The following PALD1 variants were observed in gnomAD, a reference collection of about 807,000 sequenced individuals.
The protein encoded by PALD1 is paladin.
A neutral mutation model predicts 96.0 loss-of-function variants in PALD1; 57 were observed. That is an observed-to-expected ratio of 0.59 (90% confidence interval 0.48 to 0.74). The LOEUF (loss-of-function observed/expected upper bound fraction) is 0.74, where lower values mean the gene tolerates loss of function less well. Among genes scored for constraint, PALD1 ranks in the 30% least tolerant of loss-of-function variants. The pLI is 0.00. For synonymous variants in PALD1, 464 were observed against 473.6 expected (o/e 0.98, Z 0.26); for missense variants, 1,063 against 1,143.7 (o/e 0.93, Z 1.02).
chr10:70,527,144 C>T (rs1376364110), intron 2 of PALD1, among the ~76,000 whole-genome samples: 4 of 152,186 alleles, frequency 2.6e-5, no homozygotes, highest in African/African-American at 9.6e-5. Flanking sequence ...AAGACTCGTG[C>T]CCCAGGCCTG....
chr10:70,487,346 G>A (rs1457610463), intron 1 of PALD1, among the ~76,000 whole-genome samples: 2 of 151,844 alleles, frequency 1.3e-5, no homozygotes, highest in African/African-American at 2.4e-5. Context: ...TGTTAGCCAG[G>A]ATGGTCTCGA....
intron 18 of PALD1, among the ~76,000 whole-genome samples, chr10:70,556,529 G>A (rs1333550633): frequency 1.3e-5 from 2 of 152,018 alleles, no homozygotes; most frequent in East Asian, 3.9e-4. Flanking sequence ...TGGTGCCCAG[G>A]CTGGCCTCAA....
intron 11 of PALD1, 53 bp from the exon 12 acceptor site, chr10:70,538,227 T>C: frequency 6.3e-7 from 1 of 1,590,220 alleles, no homozygotes; most frequent in South Asian, 1.1e-5. Context: ...GCAGGGAGGG[T>C]TCAGGATGGC....
the PALD1 span, among the ~76,000 whole-genome samples, chr10:70,459,901 C>G: frequency 1.6e-4 from 24 of 152,212 alleles, no homozygotes; most frequent in Admixed American, 1.2e-3. Flanking sequence ...GCCGCACCTT[C>G]TCCACAGCAG....
chr10:70,523,192 C>T (rs1024226489), intron 1 of PALD1, among the ~76,000 whole-genome samples: 1 of 152,256 alleles, frequency 6.6e-6, no homozygotes, highest in Non-Finnish European at 1.5e-5. Context: ...CTGTCATTGC[C>T]TCTGGAGCCC....
In PALD1 at chr10:70,547,366, G is replaced by T. The variant is rs200000878; in HGVS notation, c.2182G>T (p.Ala728Ser). 1.2e-6 allele frequency: 2 copies of T among 1,612,494 alleles called. No individual in the cohort carries two copies. Among genetic ancestry groups the T allele is most frequent in the Non-Finnish European group, 1.7e-6 (2 of 1,178,676 alleles). Residue 728 changes from alanine (A) to serine (S), a missense_variant, in exon 18 of 20, where the codon GCA (alanine) becomes TCA (serine). Transcript: ENST00000263563. ...GCACCGTGTGAAGAAGGAGGTGGAC[G>T]CAGCGCTGGACACTGTCAGCGAGAC... ...DGHRVKKEVD[A>S]ALDTVSETMT...
chr10:70,555,320 TCAGA>T, intron 18 of PALD1, among the ~76,000 whole-genome samples: 1 of 152,148 alleles, frequency 6.6e-6, no homozygotes, highest in Middle Eastern at 3.4e-3. Flanking sequence ...TTTGTGGTCC[TCAGA>T]CAGATGGTGA....
chr10:70,534,683 G>T, intron 9 of PALD1, 56 bp from the exon 10 acceptor site: 1 of 1,330,084 alleles, frequency 7.5e-7, no homozygotes, highest in Non-Finnish European at 1.1e-6. Context: ...GTTCTGCCTT[G>T]ACCCTGCTCC....
At chr10:70,505,186 C>A (rs572576459) in intron 1 of PALD1, among the ~76,000 whole-genome samples, 1 of 152,362 alleles carries the variant, frequency 6.6e-6, no homozygotes, top group East Asian at 1.9e-4. Flanking sequence ...GTGACACACG[C>A]TTTCCAAAAT....
At chr10:70,511,098 G>A (rs1846508382) in intron 1 of PALD1, among the ~76,000 whole-genome samples, 1 of 152,162 alleles carries the variant, frequency 6.6e-6, no homozygotes, top group Admixed American at 6.5e-5. Context: ...CCTGCAAGAG[G>A]AGAAAGAAAT....
At chr10:70,496,231 G>A (rs1227574481) in intron 1 of PALD1, among the ~76,000 whole-genome samples, 1 of 152,142 alleles carries the variant, frequency 6.6e-6, no homozygotes, top group Non-Finnish European at 1.5e-5. Flanking sequence ...GTCCTCAGGG[G>A]AGGGCAGAGT....
chr10:70,548,004 C>T (rs1589214212), intron 18 of PALD1, among the ~76,000 whole-genome samples: 1 of 150,660 alleles, frequency 6.6e-6, no homozygotes, highest in African/African-American at 2.4e-5. Context: ...TAACTCATTA[C>T]ATTATAAAAA....
chr10:70,467,586 C>T, the PALD1 span, among the ~76,000 whole-genome samples: 1 of 152,182 alleles, frequency 6.6e-6, no homozygotes, highest in Non-Finnish European at 1.5e-5. Flanking sequence ...TGGGAGGATT[C>T]AAGTTAGGCA....
At chr10:70,529,613 C>G (rs757338460) in intron 3 of PALD1, among the ~76,000 whole-genome samples, 2 of 152,152 alleles carry the variant, frequency 1.3e-5, no homozygotes, top group Non-Finnish European at 2.9e-5. Context: ...CCAGGCCTGG[C>G]TCAGACGTCA....
At chr10:70,510,834 C>G (rs912365931) in intron 1 of PALD1, among the ~76,000 whole-genome samples, 1 of 152,144 alleles carries the variant, frequency 6.6e-6, no homozygotes, top group Non-Finnish European at 1.5e-5. Context: ...TTGGGACTTT[C>G]GAAATCTCTG....
chr10:70,516,332 C>T (rs902680306), intron 1 of PALD1, among the ~76,000 whole-genome samples: 2 of 152,092 alleles, frequency 1.3e-5, no homozygotes, highest in Non-Finnish European at 2.9e-5. Flanking sequence ...CACAGTTTTT[C>T]CATGTTGGTC....
At chr10:70,542,970 A>C (rs985686365) in intron 17 of PALD1, among the ~76,000 whole-genome samples, 1 of 150,028 alleles carries the variant, frequency 6.7e-6, no homozygotes, top group Non-Finnish European at 1.5e-5. Context: ...ATGGGAGTTC[A>C]CCGTGTTGGC....
chr10:70,538,333 G>A lies in PALD1; in HGVS notation c.1377G>A (p.Glu459=), dbSNP rs764725409. ...SFSRWLCAHP[E]LYRLPVTLSS... is the part of the protein sequence containing the mutation. ...GCCGCTGGCTGTGTGCCCACCCTGA[G>A]CTGTACCGCCTGCCCGTGACGCTGA... Residue 459 remains glutamate (E), a synonymous_variant, in exon 12 of 20, where the codon GAG becomes GAA. Transcript: ENST00000263563. 6.2e-7 allele frequency: 1 copy of A among 1,608,168 alleles called. No homozygotes were observed. The highest frequency in any genetic ancestry group is 1.1e-5 in the South Asian group (1 of 91,088).
chr10:70,512,179 G>A (rs113479857), intron 1 of PALD1, among the ~76,000 whole-genome samples: 6 of 152,336 alleles, frequency 3.9e-5, no homozygotes, highest in Admixed American at 2.0e-4. Flanking sequence ...AGTACTGTTA[G>A]CCTGTTAGTC....
Sources: allele counts gnomAD v4.1 joint callset (sites outside exome capture counted in the v4.1 genomes callset), GRCh38; gene constraint gnomAD v4.1.1; transcripts MANE v1.5; gene names NCBI Gene and HGNC (gene_info 2026-07-23, HGNC 2026-07-21).